Variants in GALK2 observed in about 807,000 individuals in gnomAD.
GALK2 encodes the protein galactokinase 2, also known as N-acetylgalactosamine kinase.
A neutral mutation model predicts 52.4 loss-of-function variants in GALK2; 36 were observed. The observed-to-expected ratio is 0.69, with a 90% CI of 0.53 to 0.91. The LOEUF is 0.91. GALK2 is among the 40% of genes least tolerant of loss of function. GALK2 has a pLI of 0.00. For synonymous variants in GALK2, 176 were observed against 199.1 expected (o/e 0.88, Z 0.98); for missense variants, 579 against 559.1 (o/e 1.04, Z -0.36).
At chr15:49,201,968 T>A (rs2087820044) in intron 2 of GALK2, among the ~76,000 whole-genome samples, 1 of 152,162 alleles carries the variant, frequency 6.6e-6, no homozygotes, top group Non-Finnish European at 1.5e-5. Flanking sequence ...TTCAATATCA[T>A]GGTACTCACA....
intron 5 of GALK2, among the ~76,000 whole-genome samples, chr15:49,277,939 C>A (rs1394458845): frequency 2.0e-5 from 3 of 152,170 alleles, no homozygotes; most frequent in African/African-American, 7.2e-5. Flanking sequence ...TAGAGACTCC[C>A]TGCCCCTGTA....
intron 6 of GALK2, among the ~76,000 whole-genome samples, chr15:49,283,118 C>G (rs945915883): frequency 6.6e-6 from 1 of 152,182 alleles, no homozygotes; most frequent in Non-Finnish European, 1.5e-5. Context: ...TGCCCCTGGA[C>G]TTGCCTAAGT....
chr15:49,301,938 A>G (rs146717483), intron 8 of GALK2, among the ~76,000 whole-genome samples: 1 of 152,328 alleles, frequency 6.6e-6, no homozygotes, highest in African/African-American at 2.4e-5. Context: ...AAAAAAGAAC[A>G]AAACAACTTG....
chr15:49,360,185 CA>C (rs2043956812), intron 3 of GALK2, among the ~76,000 whole-genome samples: 1 of 149,202 alleles, frequency 6.7e-6, no homozygotes, highest in African/African-American at 2.5e-5. Flanking sequence ...CACATGTATA[CA>C]TATGTAACTA....
chr15:49,282,066 T>C lies in GALK2; in HGVS notation c.584T>C (p.Phe195Ser), dbSNP rs1245318472. The C allele has an allele frequency of 1.2e-5, 19 of 1,612,686 alleles. No homozygotes were observed. The highest frequency in any genetic ancestry group is 1.6e-5 in the Non-Finnish European group (19 of 1,178,970). Residue 195 changes from phenylalanine to serine, a missense_variant, in exon 6 of 10, where the codon TTT (phenylalanine) becomes TCT (serine). Transcript: ENST00000560031. ...GGAGGCATGGACCAGTCTATATCAT[T>C]TCTTGCAGAAGAAGGAACTGTAGGT... Reference protein sequence around the residue: ...EGGGMDQSISFLAEEGTAKLI... With the variant: ...EGGGMDQSISSLAEEGTAKLI...
chr15:49,156,074 T>A lies in GALK2; in HGVS notation c.20+58T>A, dbSNP rs575580626. The A allele has an allele frequency of 3.1e-5, 48 of 1,556,246 alleles. 1 individual carries two copies. In the East Asian group the frequency reaches 9.6e-4, roughly 31 times the overall value. Reference sequence around the variant, plus strand: ...TTAGCCCACACATTGCGGTGGGTGTTCCTAAGATACTTGGAGTACTTTTCA... The same window carrying A: ...TTAGCCCACACATTGCGGTGGGTGTACCTAAGATACTTGGAGTACTTTTCA... On this transcript the variant is annotated intron_variant, in intron 1 of 9. Coordinates refer to the GALK2 transcript ENST00000327171.
chr15:49,363,857 C>G (rs545207202), intron 3 of GALK2, among the ~76,000 whole-genome samples: 1 of 152,234 alleles, frequency 6.6e-6, no homozygotes, highest in Non-Finnish European at 1.5e-5. Context: ...GCCTATTCTG[C>G]ATGTATTGAG....
chr15:49,275,691 C>T (rs2031541339), intron 5 of GALK2, among the ~76,000 whole-genome samples: 1 of 152,150 alleles, frequency 6.6e-6, no homozygotes. Flanking sequence ...AAACAGGTCA[C>T]TGTATTAATA....
chr15:49,266,033 TG>T (rs2092348744), intron 5 of GALK2, among the ~76,000 whole-genome samples: 1 of 152,224 alleles, frequency 6.6e-6, no homozygotes, highest in South Asian at 2.1e-4. Flanking sequence ...ACAGTAATTC[TG>T]TCTATTTTGT....
At chr15:49,163,039 T>G (rs917227843) in intron 1 of GALK2, among the ~76,000 whole-genome samples, 2 of 152,346 alleles carry the variant, frequency 1.3e-5, no homozygotes, top group Non-Finnish European at 2.9e-5. Flanking sequence ...GGTAGGTATA[T>G]ATTTAACTTT....
chr15:49,248,257 G>T (rs962246680), intron 5 of GALK2, among the ~76,000 whole-genome samples: 3 of 152,272 alleles, frequency 2.0e-5, no homozygotes, highest in African/African-American at 7.2e-5. Context: ...TTGTTACATG[G>T]TATAAGAAAA....
intron 3 of GALK2, among the ~76,000 whole-genome samples, chr15:49,357,936 C>T (rs1337046062): frequency 6.6e-6 from 1 of 151,896 alleles, no homozygotes; most frequent in Non-Finnish European, 1.5e-5. Flanking sequence ...GTTCAATATA[C>T]ACAAATCAAT....
chr15:49,320,095 A>G (rs1212960989), intron 9 of GALK2, among the ~76,000 whole-genome samples: 1 of 152,184 alleles, frequency 6.6e-6, no homozygotes, highest in Non-Finnish European at 1.5e-5. Context: ...TAGGCCTTTC[A>G]GGATGGTAAC....
intron 3 of GALK2, among the ~76,000 whole-genome samples, chr15:49,352,928 T>G (rs964170844): frequency 1.3e-5 from 2 of 152,218 alleles, no homozygotes; most frequent in Non-Finnish European, 2.9e-5. Context: ...GTGTTCTGTC[T>G]TACTGCAGTG....
intron 3 of GALK2, among the ~76,000 whole-genome samples, chr15:49,229,864 G>A (rs1447773448): frequency 6.6e-6 from 1 of 152,118 alleles, no homozygotes. Flanking sequence ...TTTCCTCGGG[G>A]CACTTGAAAA....
At chr15:49,171,265 A>G (rs73390360) in intron 1 of GALK2, among the ~76,000 whole-genome samples, 28,263 of 151,674 alleles carry the variant, frequency 0.19, 2,783 homozygotes, top group Non-Finnish European at 0.21. Flanking sequence ...TATTTTCATC[A>G]GAGATGGGGT....
At chr15:49,315,556 G>A (rs2036334766) in intron 8 of GALK2, among the ~76,000 whole-genome samples, 1 of 152,208 alleles carries the variant, frequency 6.6e-6, no homozygotes, top group Non-Finnish European at 1.5e-5. Context: ...ACACAGAACT[G>A]CTTTCCCACC....
intron 5 of GALK2, among the ~76,000 whole-genome samples, chr15:49,259,772 T>C (rs2092007091): frequency 7.1e-6 from 1 of 141,124 alleles, no homozygotes; most frequent in East Asian, 2.3e-4. Context: ...ATGTTCCCCT[T>C]CCTGTGTCCA....
intron 3 of GALK2, among the ~76,000 whole-genome samples, chr15:49,346,621 T>G (rs1214309346): frequency 6.6e-6 from 1 of 152,142 alleles, no homozygotes; most frequent in African/African-American, 2.4e-5. Flanking sequence ...AGAATGAAGC[T>G]TCAGGAGGCT....
Sources: allele counts gnomAD v4.1 joint callset (sites outside exome capture counted in the v4.1 genomes callset), GRCh38; gene constraint gnomAD v4.1.1; transcripts MANE v1.5; gene names NCBI Gene and HGNC (gene_info 2026-07-23, HGNC 2026-07-21).